The following MAGI2 variants were observed in gnomAD, a reference collection of about 807,000 sequenced individuals.
MAGI2 encodes the protein membrane-associated guanylate kinase, WW and PDZ domain-containing protein 2.
A neutral mutation model predicts 133.3 loss-of-function variants in MAGI2; 35 were observed. The ratio of observed to expected loss-of-function variants is 0.26; its 90% confidence interval spans 0.20 to 0.35. The LOEUF is 0.35. Among genes scored for constraint, MAGI2 ranks in the 10% least tolerant of loss-of-function variants. The pLI, the probability that MAGI2 is intolerant of heterozygous loss-of-function variation, is 1.00. For synonymous variants in MAGI2, 729 were observed against 710.6 expected (o/e 1.03, Z -0.41); for missense variants, 1,636 against 1,863.4 (o/e 0.88, Z 2.25).
chr7:78,618,067 A>G (rs1398420309), intron 3 of MAGI2: 1 of 152,074 alleles, frequency 6.6e-6, no homozygotes, highest in Non-Finnish European at 1.5e-5. Context: ...TCATTAATGC[A>G]TAGAACAAAT....
chr7:78,157,433 GT>G (rs1205637015), intron 16 of MAGI2, among the ~76,000 whole-genome samples: 1 of 152,090 alleles, frequency 6.6e-6, no homozygotes, highest in East Asian at 1.9e-4. Context: ...TGCACCTATT[GT>G]TTTCCAAATC....
intron 20 of MAGI2, among the ~76,000 whole-genome samples, chr7:78,082,793 G>A (rs1816124822): frequency 6.6e-6 from 1 of 152,160 alleles, no homozygotes; most frequent in African/African-American, 2.4e-5. Context: ...GCTGACTCAC[G>A]GGGACCTGGT....
At chr7:78,722,834 T>C (rs977266484) in intron 2 of MAGI2, among the ~76,000 whole-genome samples, 6 of 152,248 alleles carry the variant, frequency 3.9e-5, no homozygotes, top group Non-Finnish European at 7.4e-5. Flanking sequence ...TAAATGTGGG[T>C]ACTTATGTTT....
At chr7:78,152,480 G>A (rs1196673163) in intron 16 of MAGI2, among the ~76,000 whole-genome samples, 2 of 152,118 alleles carry the variant, frequency 1.3e-5, no homozygotes, top group Non-Finnish European at 2.9e-5. Context: ...TAGAAAGTGT[G>A]GTCTTTCTTG....
In MAGI2 at chr7:79,276,828, G is replaced by T. The variant is rs1042409447; in HGVS notation, c.301+176192C>A. Among the ~76,000 whole-genome samples, 23 of 152,150 alleles carry T rather than the reference G, an allele frequency of 1.5e-4. No individual in the cohort carries two copies. The East Asian group carries it at 4.1e-3, about 27-fold the overall frequency. Reference sequence around the variant, plus strand: ...AAAAATTCAAAAATTGGTCCAGTGTGGTGGCACACCCCTGTGGTCCCAGGT... The same window carrying T: ...AAAAATTCAAAAATTGGTCCAGTGTTGTGGCACACCCCTGTGGTCCCAGGT... On this transcript the variant is annotated intron_variant, in intron 1 of 21. Coordinates refer to ENST00000354212, the MANE Select transcript of MAGI2 (RefSeq NM_012301.4).
intron 9 of MAGI2, among the ~76,000 whole-genome samples, chr7:78,314,805 A>G (rs1206203535): frequency 2.6e-5 from 4 of 152,184 alleles, no homozygotes; most frequent in Non-Finnish European, 4.4e-5. Flanking sequence ...TATTCATGAG[A>G]AGTTATAAAA....
intron 6 of MAGI2, among the ~76,000 whole-genome samples, chr7:78,446,130 T>C (rs1788112183): frequency 6.8e-6 from 1 of 146,588 alleles, no homozygotes; most frequent in Non-Finnish European, 1.5e-5. Flanking sequence ...CTGAATTTTT[T>C]GAATTTGAAA....
chr7:79,266,816 C>T (rs765256165), intron 1 of MAGI2, among the ~76,000 whole-genome samples: 1 of 151,994 alleles, frequency 6.6e-6, no homozygotes, highest in African/African-American at 2.4e-5. Context: ...CTGACAGACA[C>T]CCCCCCAAAG....
chr7:79,411,447 G>T (rs924165042), intron 1 of MAGI2: 1 of 152,256 alleles, frequency 6.6e-6, no homozygotes, highest in Admixed American at 6.5e-5. Context: ...TTGTCCTGAT[G>T]TTGCTGGTTT....
At chr7:78,434,127 C>T (rs1303575261) in intron 6 of MAGI2, among the ~76,000 whole-genome samples, 2 of 152,080 alleles carry the variant, frequency 1.3e-5, no homozygotes, top group African/African-American at 4.8e-5. Flanking sequence ...AGATCAAAGC[C>T]TAAGTACTTA....
chr7:79,043,084 T>C (rs1201413121), intron 1 of MAGI2, among the ~76,000 whole-genome samples: 2 of 151,748 alleles, frequency 1.3e-5, no homozygotes, highest in African/African-American at 4.8e-5. Context: ...GCTAAAACAG[T>C]ATTAAGAAGA....
At chr7:78,134,868 G>T in intron 17 of MAGI2, 153 bp downstream of exon 17, 1 of 631,470 alleles carries the variant, frequency 1.6e-6, no homozygotes, top group Non-Finnish European at 2.7e-6. Flanking sequence ...GTGAGTTTTT[G>T]CAAAAGTGGA....
chr7:78,529,668 GTTTTTTTTTTTTTTTT>G (rs554010061), intron 3 of MAGI2, among the ~76,000 whole-genome samples: 7,166 of 58,058 alleles, frequency 0.12, 425 homozygotes, highest in Middle Eastern at 0.45. Context: ...AAAGGAGATG[GTTTTTTTTTTTTTTTT>G]TTTTTTTTTT....
chr7:79,235,679 C>G, intron 1 of MAGI2, among the ~76,000 whole-genome samples: 1 of 152,202 alleles, frequency 6.6e-6, no homozygotes, highest in Non-Finnish European at 1.5e-5. Context: ...ACCCACTGAC[C>G]TGCGCCCACT....
At position 78,501,407 on chromosome 7, in the gene MAGI2, G is replaced by T. The variant is rs7787798; in HGVS notation, c.965+170C>A. Reference sequence around the variant, plus strand: ...TTTGATTTATAGCTGTATTCTAGGAGGCTTAACTGTATTAAGGCACTATCC... The same window carrying T: ...TTTGATTTATAGCTGTATTCTAGGATGCTTAACTGTATTAAGGCACTATCC... On this transcript the variant is annotated intron_variant, in intron 5 of 21. Transcript: ENST00000354212. Among the ~76,000 whole-genome samples the T allele has an allele frequency of 0.66, 100,422 of 151,588 alleles. 34,263 individuals are homozygous for T. Among genetic ancestry groups the T allele is most frequent in the African/African-American group, 0.83 (34,539 of 41,388 alleles).
At chr7:78,686,778 T>C (rs1044416012) in intron 2 of MAGI2, among the ~76,000 whole-genome samples, 2 of 152,128 alleles carry the variant, frequency 1.3e-5, no homozygotes, top group African/African-American at 2.4e-5. Flanking sequence ...AAATTAGTTT[T>C]ATTCTGTGTA....
chr7:78,820,054 T>C (rs1454834381), intron 2 of MAGI2, among the ~76,000 whole-genome samples: 6 of 151,944 alleles, frequency 3.9e-5, no homozygotes, highest in Non-Finnish European at 8.8e-5. Flanking sequence ...AGGAGAAAGT[T>C]TGATGTGACT....
chr7:78,850,901 T>A (rs1320748591), intron 2 of MAGI2, among the ~76,000 whole-genome samples: 1 of 152,102 alleles, frequency 6.6e-6, no homozygotes, highest in Non-Finnish European at 1.5e-5. Context: ...CTTTAATTAA[T>A]TTTTCCTCAG....
intron 10 of MAGI2, among the ~76,000 whole-genome samples, chr7:78,204,282 C>T (rs1227881867): frequency 6.6e-6 from 1 of 152,086 alleles, no homozygotes; most frequent in African/African-American, 2.4e-5. Context: ...GACACTATTC[C>T]CCTCATCACC....
Sources: allele counts gnomAD v4.1 joint callset (sites outside exome capture counted in the v4.1 genomes callset), GRCh38; gene constraint gnomAD v4.1.1; transcripts MANE v1.5; gene names NCBI Gene and HGNC (gene_info 2026-07-23, HGNC 2026-07-21).